The following KCNQ3 variants were observed in gnomAD, a reference collection of about 807,000 sequenced individuals.
The protein encoded by KCNQ3 is potassium voltage-gated channel subfamily Q member 3.
KCNQ3 carries 30 observed loss-of-function variants against 92.5 expected under a neutral mutation model. That is an observed-to-expected ratio of 0.32 (90% confidence interval 0.24 to 0.44). The LOEUF (loss-of-function observed/expected upper bound fraction) is 0.44. Among genes scored for constraint, KCNQ3 ranks in the 20% least tolerant of loss-of-function variants. The pLI is 1.00. For synonymous variants in KCNQ3, 450 were observed against 468.8 expected, an observed-to-expected ratio of 0.96 and a Z score of 0.52; for missense variants, 913 against 1,140.3, an observed-to-expected ratio of 0.80 and a Z score of 2.87.
chr8:132,422,603 G>C (rs1821002179), intron 1 of KCNQ3, among the ~76,000 whole-genome samples: 1 of 152,044 alleles, frequency 6.6e-6, no homozygotes, highest in Admixed American at 6.6e-5. Context: ...CAAGAAATAA[G>C]TTCTCTTCCA....
intron 1 of KCNQ3, among the ~76,000 whole-genome samples, chr8:132,411,155 C>T (rs963186517): frequency 6.6e-6 from 1 of 152,184 alleles, no homozygotes; most frequent in Admixed American, 6.5e-5. Flanking sequence ...AAAGGTTCCA[C>T]CTGAGGAGGT....
At chr8:132,465,865 T>G (rs929042660) in intron 1 of KCNQ3, among the ~76,000 whole-genome samples, 7 of 152,262 alleles carry the variant, frequency 4.6e-5, no homozygotes, top group Admixed American at 3.9e-4. Context: ...TGGGCCATGA[T>G]TGCACCACTG....
intron 9 of KCNQ3, among the ~76,000 whole-genome samples, chr8:132,154,192 AGTTTT>A (rs149228311): frequency 0.084 from 8,801 of 104,432 alleles, 577 homozygotes; most frequent in Non-Finnish European, 0.098. Flanking sequence ...AAAGGGTAAA[AGTTTT>A]TTTTTTTTTT....
intron 2 of KCNQ3, 26 bp downstream of exon 2, chr8:132,186,065 G>A (rs1161964514): frequency 1.9e-6 from 3 of 1,566,044 alleles, no homozygotes; most frequent in Middle Eastern, 3.3e-4. Flanking sequence ...CCAACCAGAA[G>A]CATTTACCCC....
intron 1 of KCNQ3, among the ~76,000 whole-genome samples, chr8:132,255,022 T>C (rs989402505): frequency 1.4e-5 from 2 of 146,656 alleles, no homozygotes; most frequent in Non-Finnish European, 3.0e-5. Context: ...AAGCTGACTG[T>C]TTTTTTTTCT....
chr8:132,347,988 A>AAAAAAAAAAAAAAAAAAAAAC (rs1818747466), intron 1 of KCNQ3, among the ~76,000 whole-genome samples: 1 of 151,516 alleles, frequency 6.6e-6, no homozygotes, highest in Admixed American at 6.6e-5. Flanking sequence ...AAAAAAAAAA[A>AAAAAAAAAAAAAAAAAAAAAC]AAAAAAAAAA....
At chr8:132,204,903 AC>A (rs904616983) in intron 1 of KCNQ3, among the ~76,000 whole-genome samples, 2 of 151,804 alleles carry the variant, frequency 1.3e-5, no homozygotes, top group Non-Finnish European at 2.9e-5. Context: ...AATGCAGATC[AC>A]CCCCTCTCTG....
rs149599701 is a variant in KCNQ3 at position 132,433,222 on chromosome 8, T to G, written c.386+46925A>C. Among the ~76,000 whole-genome samples the G allele has an allele frequency of 1.5e-3, 233 of 152,166 alleles. 1 individual carries two copies. Among genetic ancestry groups the G allele is most frequent in the African/African-American group, 5.3e-3 (222 of 41,526 alleles). On this transcript the variant is annotated intron_variant, in intron 1 of 14. Coordinates refer to ENST00000388996, the MANE Select transcript of KCNQ3 (RefSeq NM_004519.4). ...CATCTGGATCATTAGCCCCTCCCAG[T>G]TCAACCCCACTCATCTGGATCATTA...
intron 1 of KCNQ3, among the ~76,000 whole-genome samples, chr8:132,297,631 T>C (rs1012837736): frequency 2.0e-5 from 3 of 152,226 alleles, no homozygotes; most frequent in African/African-American, 7.2e-5. Context: ...TCAATAATGG[T>C]AGTGCAGTTT....
intron 1 of KCNQ3, among the ~76,000 whole-genome samples, chr8:132,285,401 G>A (rs1816651536): frequency 6.6e-6 from 1 of 152,084 alleles, no homozygotes; most frequent in Admixed American, 6.6e-5. Flanking sequence ...CTGGGAACTT[G>A]TTGTATAGCC....
At chr8:132,334,290 T>C (rs527407402) in intron 1 of KCNQ3, among the ~76,000 whole-genome samples, 2 of 151,910 alleles carry the variant, frequency 1.3e-5, no homozygotes, top group African/African-American at 2.4e-5. Context: ...CTGACCAACA[T>C]GGTGAAACCT....
intron 1 of KCNQ3, among the ~76,000 whole-genome samples, chr8:132,221,730 G>A (rs546878409): frequency 6.5e-4 from 99 of 152,198 alleles, no homozygotes; most frequent in African/African-American, 2.3e-3. Context: ...ATAGACCAAT[G>A]GAACAGAACA....
intron 1 of KCNQ3, among the ~76,000 whole-genome samples, chr8:132,355,418 C>A (rs1342632624): frequency 2.0e-5 from 3 of 151,890 alleles, no homozygotes; most frequent in Non-Finnish European, 4.4e-5. Flanking sequence ...AGGGAGAGGC[C>A]CCTGACCCAA....
intron 8 of KCNQ3, among the ~76,000 whole-genome samples, chr8:132,164,471 G>A (rs1451226530): frequency 6.6e-6 from 1 of 152,030 alleles, no homozygotes; most frequent in African/African-American, 2.4e-5. Context: ...CAGAACAAGA[G>A]AATCATGGCA....
intron 1 of KCNQ3, among the ~76,000 whole-genome samples, chr8:132,438,712 C>A (rs985491513): frequency 2.6e-5 from 4 of 151,848 alleles, no homozygotes; most frequent in Admixed American, 2.0e-4. Context: ...AAAGAGACAG[C>A]GAGACTGAGC....
intron 1 of KCNQ3, among the ~76,000 whole-genome samples, chr8:132,239,549 T>G (rs1337051053): frequency 1.3e-5 from 2 of 152,222 alleles, no homozygotes; most frequent in African/African-American, 2.4e-5. Flanking sequence ...AAGCCTTGTA[T>G]GTTAACGTTG....
chr8:132,343,539 G>A (rs771607342), intron 1 of KCNQ3, among the ~76,000 whole-genome samples: 2 of 152,114 alleles, frequency 1.3e-5, no homozygotes, highest in African/African-American at 4.8e-5. Context: ...TAAACTCACA[G>A]GAGTCAACCC....
chr8:132,180,932 T>G (rs989170702), intron 3 of KCNQ3, among the ~76,000 whole-genome samples: 6 of 151,464 alleles, frequency 4.0e-5, no homozygotes, highest in African/African-American at 1.5e-4. Context: ...ATCTGAAAAA[T>G]GGGAAGCTGG....
intron 1 of KCNQ3, among the ~76,000 whole-genome samples, chr8:132,401,576 A>G (rs1054638686): frequency 6.6e-6 from 1 of 152,078 alleles, no homozygotes; most frequent in Non-Finnish European, 1.5e-5. Context: ...GGTTTTCACC[A>G]TGTTGGCCAG....
Sources: allele counts gnomAD v4.1 joint callset (sites outside exome capture counted in the v4.1 genomes callset), GRCh38; gene constraint gnomAD v4.1.1; transcripts MANE v1.5; gene names NCBI Gene and HGNC (gene_info 2026-07-23, HGNC 2026-07-21).